Variants in CACNA1E observed in about 807,000 individuals in gnomAD.
CACNA1E encodes voltage-dependent R-type calcium channel subunit alpha-1E.
CACNA1E carries 40 observed loss-of-function variants against 259.2 expected under a neutral mutation model. The ratio of observed to expected loss-of-function variants is 0.15; its 90% CI spans 0.12 to 0.20. CACNA1E has a LOEUF of 0.20. CACNA1E is among the 10% of genes least tolerant of loss of function. The pLI, the probability that CACNA1E is intolerant of heterozygous loss-of-function variation, is 1.00. For missense variants in CACNA1E, 1,874 were observed against 3,040.1 expected (o/e 0.62, Z 9.02); for synonymous variants, 1,104 against 1,138.5 (o/e 0.97, Z 0.61).
intron 3 of CACNA1E, among the ~76,000 whole-genome samples, chr1:181,557,771 G>C (rs1041831722): frequency 3.3e-5 from 5 of 152,194 alleles, no homozygotes; most frequent in African/African-American, 7.2e-5. Flanking sequence ...ATGAGAGGAG[G>C]GGGCAGAGCT....
chr1:181,617,893 T>C (rs2103146125), intron 6 of CACNA1E, among the ~76,000 whole-genome samples: 1 of 152,342 alleles, frequency 6.6e-6, no homozygotes, highest in East Asian at 1.9e-4. Flanking sequence ...TTTGTCCACA[T>C]TTAGCTGGGT....
At position 181,802,895 on chromosome 1, in the gene CACNA1E, G is replaced by A. The variant is rs1662377979; in HGVS notation, c.*4061G>A. The A allele has an allele frequency of 6.6e-6, 1 of 152,098 alleles. No individual in the cohort carries two copies. Among genetic ancestry groups the A allele is most frequent in the African/African-American group, 2.4e-5 (1 of 41,392 alleles). 9.4% of individuals were successfully genotyped at this position (152,098 alleles called of 1,614,324 possible). A position where few individuals can be genotyped will look rare whatever the true frequency, so the allele number is the denominator to read the frequency against. On this transcript the variant is annotated 3_prime_UTR_variant, in exon 48 of 48. Transcript: ENST00000367573. ...TGGTTGGGGCCAGGGACAGGTTGAG[G>A]GATATTTCTCGGCTCATTTATAAGA...
chr1:181,415,441 G>C (rs146752640), intron 2 of CACNA1E, among the ~76,000 whole-genome samples: 3 of 152,278 alleles, frequency 2.0e-5, no homozygotes, highest in African/African-American at 7.2e-5. Context: ...CTTGGGGAAT[G>C]TCAGCCTTTA....
intron 6 of CACNA1E, among the ~76,000 whole-genome samples, chr1:181,642,726 C>T (rs1468113912): frequency 6.6e-6 from 1 of 152,142 alleles, no homozygotes; most frequent in Non-Finnish European, 1.5e-5. Context: ...GATCTGCATA[C>T]AGTGGGAGTG....
chr1:181,655,209 A>G (rs975375455), intron 7 of CACNA1E, among the ~76,000 whole-genome samples: 2 of 152,118 alleles, frequency 1.3e-5, no homozygotes, highest in African/African-American at 4.8e-5. Context: ...GATATAAGGT[A>G]GGTATGGAGG....
intron 1 of CACNA1E, among the ~76,000 whole-genome samples, chr1:181,487,516 G>A (rs548452083): frequency 6.6e-6 from 1 of 152,298 alleles, no homozygotes; most frequent in Non-Finnish European, 1.5e-5. Flanking sequence ...TTTTCTTATG[G>A]CACTTTCCTC....
At chr1:181,753,955 C>A (rs1657829773) in intron 27 of CACNA1E, among the ~76,000 whole-genome samples, 1 of 152,166 alleles carries the variant, frequency 6.6e-6, no homozygotes, top group Non-Finnish European at 1.5e-5. Flanking sequence ...AGTGGCCTGG[C>A]CGACTGCTGT....
chr1:181,657,855 C>T (rs557936520), intron 7 of CACNA1E, among the ~76,000 whole-genome samples: 1 of 152,274 alleles, frequency 6.6e-6, no homozygotes, highest in South Asian at 2.1e-4. Flanking sequence ...TCTATATTTA[C>T]TCATTCAGTG....
intron 1 of CACNA1E, among the ~76,000 whole-genome samples, chr1:181,366,587 G>A (rs1654282651): frequency 2.0e-5 from 3 of 152,114 alleles, no homozygotes; most frequent in Non-Finnish European, 2.9e-5. Flanking sequence ...GGCTTCATAA[G>A]GGCTGCTGTA....
intron 3 of CACNA1E, among the ~76,000 whole-genome samples, chr1:181,564,486 A>G (rs1266601553): frequency 3.3e-5 from 5 of 152,224 alleles, no homozygotes; most frequent in African/African-American, 4.8e-5. Flanking sequence ...TTCTCTTGCT[A>G]TTCTTACCAC....
At chr1:181,576,481 C>G (rs904522335) in intron 3 of CACNA1E, among the ~76,000 whole-genome samples, 2 of 152,216 alleles carry the variant, frequency 1.3e-5, no homozygotes, top group South Asian at 4.1e-4. Context: ...GGCCATAGGG[C>G]ATGCACTTTC....
At chr1:181,520,410 A>G (rs996607982) in intron 3 of CACNA1E, among the ~76,000 whole-genome samples, 4 of 152,238 alleles carry the variant, frequency 2.6e-5, no homozygotes, top group Non-Finnish European at 4.4e-5. Context: ...GATATTATAA[A>G]GATAAATGTT....
chr1:181,411,708 C>G (rs899167584), intron 1 of CACNA1E, among the ~76,000 whole-genome samples: 6 of 152,214 alleles, frequency 3.9e-5, no homozygotes, highest in Admixed American at 3.3e-4. Context: ...CCACCGGGTT[C>G]AAGCGATTCT....
chr1:181,461,313 G>A (rs955184257), intron 2 of CACNA1E, among the ~76,000 whole-genome samples: 17 of 152,048 alleles, frequency 1.1e-4, no homozygotes, highest in East Asian at 7.7e-4. Context: ...AGGCCGAGGC[G>A]GGCGGATCAC....
In CACNA1E at chr1:181,401,027, TAC is replaced by T. The variant is rs576422715; in HGVS notation, c.-14-12104_-14-12103del. 2.7e-3 allele frequency among the ~76,000 whole-genome samples: 412 copies of T among 152,186 alleles called. 2 individuals carry two copies. The highest frequency in any genetic ancestry group is 8.1e-3 in the African/African-American group (337 of 41,538). ...CCCTCTGTGATCTGCCCCCCAACAT[TAC>T]ATCGCCGATATCATCTGCTGCTACT... On this transcript the variant is annotated intron_variant, in intron 1 of 11. Transcript: ENST00000524607.
In CACNA1E at chr1:181,732,391, C is replaced by A; in HGVS notation, c.2305C>A (p.Arg769=). The change falls in exon 20 of 48, where the codon CGG becomes AGG. Residue 769 remains arginine, a synonymous_variant. Transcript: ENST00000367573. This position sits in a 1 kb window ranked among gnomAD's most constrained non-coding sequence, Gnocchi z 5.5. ...WEPRSSHLRE[R]RRRHHMSVWE... Reference sequence around the variant, plus strand: ...GCCCTTTCCCCTTGGCAGGAGGGAGCGGAGGCGCCGGCACCACATGTCCGT... The same window carrying A: ...GCCCTTTCCCCTTGGCAGGAGGGAGAGGAGGCGCCGGCACCACATGTCCGT... 6.6e-7 allele frequency: 1 copy of A among 1,520,682 alleles called. No homozygotes were observed. Among genetic ancestry groups the A allele is most frequent in the South Asian group, 1.3e-5 (1 of 77,274 alleles). The allele number at this position is 1,520,682 out of a possible 1,614,324, so 94.2% of individuals were successfully genotyped here.
intron 7 of CACNA1E, among the ~76,000 whole-genome samples, chr1:181,655,870 G>T (rs754205411): frequency 1.1e-4 from 17 of 152,184 alleles, no homozygotes; most frequent in Non-Finnish European, 7.4e-5. Flanking sequence ...ACTATATACA[G>T]TCATGTGCCA....
At chr1:181,669,328 A>T (rs533034555) in intron 7 of CACNA1E, among the ~76,000 whole-genome samples, 1 of 152,140 alleles carries the variant, frequency 6.6e-6, no homozygotes, top group Non-Finnish European at 1.5e-5. Flanking sequence ...TCTAGCCTCA[A>T]TTCAACGATT....
chr1:181,736,151 C>T lies in CACNA1E; in HGVS notation c.3263-124C>T, dbSNP rs561517946. 5.3e-6 allele frequency: 6 copies of T among 1,137,354 alleles called. No individual in the cohort carries two copies. The African/African-American group carries it at 7.9e-5, about 15-fold the overall frequency. 70.5% of individuals were successfully genotyped at this position (1,137,354 alleles called of 1,614,324 possible). On this transcript the variant is annotated intron_variant, in intron 21 of 47. Coordinates refer to ENST00000367573, the MANE Select transcript of CACNA1E (RefSeq NM_001205293.3). ...GTAAATACCCCCAGTGCCTGCAGGG[C>T]ACCTTGTTAGGGACATCCCTGGAGC...
Sources: allele counts gnomAD v4.1 joint callset (sites outside exome capture counted in the v4.1 genomes callset), GRCh38; gene constraint gnomAD v4.1.1; non-coding constraint Gnocchi (gnomAD v3.1); transcripts MANE v1.5; gene names NCBI Gene and HGNC (gene_info 2026-07-23, HGNC 2026-07-21).